Variants in PIEZO2 observed in about 807,000 individuals in gnomAD.
The protein encoded by PIEZO2 is piezo-type mechanosensitive ion channel component 2.
A neutral mutation model predicts 337.3 loss-of-function variants in PIEZO2; 172 were observed. That is an observed-to-expected ratio of 0.51 (90% CI 0.45 to 0.58). PIEZO2 has a LOEUF of 0.58. Ranked by LOEUF, PIEZO2 falls within the 20% of genes least tolerant of loss-of-function variation. PIEZO2 has a pLI of 0.00. For synonymous variants in PIEZO2, 1,251 were observed against 1,228.5 expected, an observed-to-expected ratio of 1.02 and a Z score of -0.38; for missense variants, 3,028 against 3,391.3, an observed-to-expected ratio of 0.89 and a Z score of 2.66.
At position 10,691,152 on chromosome 18, in the gene PIEZO2, A is replaced by G. The variant is rs2034804139; in HGVS notation, c.7349+73T>C. On this transcript the variant is annotated intron_variant, in intron 48 of 55. Transcript: ENST00000674853. ...ATTCATCCTCTCCCCCTTACTTCCC[A>G]GTTGGGAATCAAAATGCCTTTCCAC... The G allele has an allele frequency of 3.3e-6, 5 of 1,499,720 alleles. No homozygotes were observed. The Admixed American group carries it at 9.4e-5, about 28-fold the overall frequency. The allele number at this position is 1,499,720 out of a possible 1,614,324, so 92.9% of individuals were successfully genotyped here.
chr18:10,746,934 TGTA>T lies in PIEZO2; in HGVS notation c.4424+1534_4424+1536del, dbSNP rs2037447748. Among the ~76,000 whole-genome samples, 2 of 152,200 alleles carry T rather than the reference TGTA, an allele frequency of 1.3e-5. No individual in the cohort carries two copies. The highest frequency in any genetic ancestry group is 2.9e-5 in the Non-Finnish European group (2 of 68,028). On this transcript the variant is annotated intron_variant, in intron 30 of 55. Transcript: ENST00000674853. This position sits in a 1 kb window ranked among gnomAD's most constrained non-coding sequence, Gnocchi z 4.2. Reference sequence around the variant, plus strand: ...TGGACTGAGACGATACCAGGTGTACTGTAGTAGAATTGCTTGCTCATGTGCCAC... The same window carrying T: ...TGGACTGAGACGATACCAGGTGTACTGTAGAATTGCTTGCTCATGTGCCAC...
At position 10,744,289 on chromosome 18, in the gene PIEZO2, T is replaced by C. The variant is rs909404358; in HGVS notation, c.4425-58A>G. The C allele has an allele frequency of 4.5e-5, 50 of 1,106,764 alleles. No homozygotes were observed. The African/African-American group carries it at 6.6e-4, about 15-fold the overall frequency. The allele number at this position is 1,106,764 out of a possible 1,614,324, so 68.6% of individuals were successfully genotyped here. On this transcript the variant is annotated intron_variant, in intron 30 of 55. Transcript: ENST00000674853. ...TATTCTTGCCATTGTTGTTCCCCTTTTCCTGAAAATTATTACTAAGGGTTA... is the reference window on the plus strand; with the variant it reads ...TATTCTTGCCATTGTTGTTCCCCTTCTCCTGAAAATTATTACTAAGGGTTA...
intron 3 of PIEZO2, among the ~76,000 whole-genome samples, chr18:10,930,436 G>A (rs1403413199): frequency 6.6e-6 from 1 of 152,114 alleles, no homozygotes; most frequent in Non-Finnish European, 1.5e-5. Flanking sequence ...TGACTTAGAC[G>A]TTCCCCCTTT....
At chr18:10,712,332 T>C (rs1274371259) in intron 39 of PIEZO2, among the ~76,000 whole-genome samples, 2 of 152,172 alleles carry the variant, frequency 1.3e-5, no homozygotes, top group East Asian at 3.9e-4. Flanking sequence ...TTAGGTAACA[T>C]GGAGCTAGAC....
At chr18:10,698,328 A>G (rs1474939929) in intron 44 of PIEZO2, among the ~76,000 whole-genome samples, 1 of 152,182 alleles carries the variant, frequency 6.6e-6, no homozygotes, top group Non-Finnish European at 1.5e-5. Context: ...CCCCGTAAGT[A>G]CAAAAGCTTC....
chr18:11,051,266 G>A (rs2037516433), intron 2 of PIEZO2, among the ~76,000 whole-genome samples: 1 of 152,014 alleles, frequency 6.6e-6, no homozygotes, highest in Non-Finnish European at 1.5e-5. Context: ...CTCTCAGACT[G>A]AGGATGAGTT....
chr18:10,724,320 C>T lies in PIEZO2; in HGVS notation c.5030-6061G>A, dbSNP rs966644710. 1.3e-5 allele frequency among the ~76,000 whole-genome samples: 2 copies of T among 152,144 alleles called. No individual in the cohort carries two copies. Among genetic ancestry groups the T allele is most frequent in the Non-Finnish European group, 2.9e-5 (2 of 68,024 alleles). Reference sequence around the variant, plus strand: ...GCTGCAATGAGCTATGATCATTGCACTGCACTCCACCTTGGGTGACAGAGC... The same window carrying T: ...GCTGCAATGAGCTATGATCATTGCATTGCACTCCACCTTGGGTGACAGAGC... On this transcript the variant is annotated intron_variant, in intron 36 of 55. Transcript: ENST00000674853. This position sits in a 1 kb window ranked among gnomAD's most constrained non-coding sequence, Gnocchi z 5.8.
chr18:11,149,487 G>A lies in PIEZO2; in HGVS notation c.-899C>T, dbSNP rs572485281. On this transcript the variant is annotated 5_prime_UTR_variant, in exon 1 of 56. Transcript: ENST00000674853. The surrounding 1 kb of genome is among the most constrained non-coding windows in gnomAD (Gnocchi z 8.7). ...AACCAGCGCCGTCCCGTCGCCCAGC[G>A]CGACCACCGCCTGCCGCCTTGCAGC... is the stretch of plus-strand genomic sequence containing the variant. 2.5e-3 allele frequency among the ~76,000 whole-genome samples: 383 copies of A among 152,088 alleles called. 2 individuals are homozygous for A. Among genetic ancestry groups the A allele is most frequent in the African/African-American group, 9.0e-3 (374 of 41,536 alleles).
At position 10,878,715 on chromosome 18, in the gene PIEZO2, T is replaced by C. The variant is rs552478061; in HGVS notation, c.330-7300A>G. 1.0e-3 allele frequency among the ~76,000 whole-genome samples: 158 copies of C among 151,674 alleles called. No individual in the cohort carries two copies. Among genetic ancestry groups the C allele is most frequent in the African/African-American group, 3.6e-3 (150 of 41,306 alleles). On this transcript the variant is annotated intron_variant, in intron 4 of 55. Transcript: ENST00000674853. This position sits in a 1 kb window ranked among gnomAD's most constrained non-coding sequence, Gnocchi z 4.3. Reference sequence around the variant, plus strand: ...TAAGCACAGAGTATTGGTTGTGAAGTTATATATGAAGGAAGTAAAGTCAGA... The same window carrying C: ...TAAGCACAGAGTATTGGTTGTGAAGCTATATATGAAGGAAGTAAAGTCAGA...
At chr18:10,690,535 G>A (rs567706749) in intron 48 of PIEZO2, among the ~76,000 whole-genome samples, 1 of 152,164 alleles carries the variant, frequency 6.6e-6, no homozygotes, top group Non-Finnish European at 1.5e-5. Context: ...ATCAGGCCCA[G>A]TCACAGGCTA....
intron 18 of PIEZO2, among the ~76,000 whole-genome samples, chr18:10,777,227 C>T (rs1171619956): frequency 6.6e-6 from 1 of 152,224 alleles, no homozygotes; most frequent in Non-Finnish European, 1.5e-5. Context: ...CTAACCTTCT[C>T]ACTGACCATT....
chr18:10,929,269 C>T lies in PIEZO2; in HGVS notation c.287-18041G>A, dbSNP rs547311505. Among the ~76,000 whole-genome samples the T allele has an allele frequency of 8.5e-5, 13 of 152,256 alleles. No homozygotes were observed. Among genetic ancestry groups the T allele is most frequent in the African/African-American group, 2.9e-4 (12 of 41,554 alleles). ...CAAGAAAAGAAATTAAAAGTGTGAG[C>T]GAGCTGCAAACGTGCACGCATCATA... On this transcript the variant is annotated intron_variant, in intron 3 of 55. Transcript: ENST00000674853. The surrounding 1 kb of genome is among the most constrained non-coding windows in gnomAD (Gnocchi z 5.6).
intron 3 of PIEZO2, among the ~76,000 whole-genome samples, chr18:10,936,667 T>TCCAGGCTAGAATTCC: frequency 6.6e-6 from 1 of 152,200 alleles, no homozygotes; most frequent in Non-Finnish European, 1.5e-5. Context: ...TGCTTGAATG[T>TCCAGGCTAGAATTCC]AGGAAGGAAA....
rs1431413118 is a variant in PIEZO2 at position 11,094,309 on chromosome 18, T to C, written c.65-28087A>G. Among the ~76,000 whole-genome samples the C allele has an allele frequency of 6.6e-6, 1 of 152,152 alleles. No homozygotes were observed. The highest frequency in any genetic ancestry group is 1.5e-5 in the Non-Finnish European group (1 of 68,022). ...CCATTTATCATTGAAATTTTACAAA[T>C]GGGGAAGCTGAGGCGAAGTGATTTT... On this transcript the variant is annotated intron_variant, in intron 1 of 55. Coordinates refer to ENST00000674853, the MANE Select transcript of PIEZO2 (RefSeq NM_001378183.1). The surrounding 1 kb of genome is among the most constrained non-coding windows in gnomAD (Gnocchi z 4.4).
At position 10,902,769 on chromosome 18, in the gene PIEZO2, T is replaced by C. The variant is rs2043082336; in HGVS notation, c.329+8417A>G. 2.6e-5 allele frequency among the ~76,000 whole-genome samples: 4 copies of C among 152,300 alleles called. No homozygotes were observed. In the South Asian group the frequency reaches 8.3e-4, roughly 32 times the overall value. Reference sequence around the variant, plus strand: ...TTCAGGTTTTCCAAAGTGCAGACCCTGAACAGAGGGCTTGGGTGCAGGTGG... The same window carrying C: ...TTCAGGTTTTCCAAAGTGCAGACCCCGAACAGAGGGCTTGGGTGCAGGTGG... On this transcript the variant is annotated intron_variant, in intron 4 of 55. Coordinates refer to ENST00000674853, the MANE Select transcript of PIEZO2 (RefSeq NM_001378183.1).
intron 2 of PIEZO2, among the ~76,000 whole-genome samples, chr18:11,065,698 C>A (rs1433631699): frequency 6.6e-6 from 1 of 152,164 alleles, no homozygotes; most frequent in Non-Finnish European, 1.5e-5. Flanking sequence ...TCTTCCTACC[C>A]CATTCTCCTG....
intron 2 of PIEZO2, among the ~76,000 whole-genome samples, chr18:10,983,685 C>A (rs574540504): frequency 6.6e-6 from 1 of 151,978 alleles, no homozygotes; most frequent in Admixed American, 6.6e-5. Flanking sequence ...GCCTGAGGAC[C>A]CCCACAACCA....
intron 4 of PIEZO2, among the ~76,000 whole-genome samples, chr18:10,873,933 C>T (rs928671592): frequency 3.8e-4 from 57 of 151,994 alleles, no homozygotes; most frequent in Non-Finnish European, 1.9e-4. Context: ...GGTAAGACCT[C>T]AAAAGCACAG....
chr18:10,752,993 C>G, intron 27 of PIEZO2, 114 bp from the exon 28 acceptor site: 1 of 1,280,916 alleles, frequency 7.8e-7, no homozygotes, highest in Non-Finnish European at 1.0e-6. Context: ...CCTTGCAAAT[C>G]AGACTGTGAG....
Sources: allele counts gnomAD v4.1 joint callset (sites outside exome capture counted in the v4.1 genomes callset), GRCh38; gene constraint gnomAD v4.1.1; non-coding constraint Gnocchi (gnomAD v3.1); transcripts MANE v1.5; gene names NCBI Gene and HGNC (gene_info 2026-07-23, HGNC 2026-07-21).